The following SOS2 variants were observed in gnomAD, a reference collection of about 807,000 sequenced individuals.
SOS2 encodes the protein SOS Ras/Rho guanine nucleotide exchange factor 2.
In SOS2, 65 loss-of-function variants were observed where a neutral mutation model predicts 148.2. The observed-to-expected ratio is 0.44, with a 90% CI of 0.36 to 0.54. The LOEUF (loss-of-function observed/expected upper bound fraction) is 0.54, where lower values mean the gene tolerates loss of function less well. Among genes scored for constraint, SOS2 ranks in the 20% least tolerant of loss-of-function variants. The pLI, the probability that SOS2 is intolerant of heterozygous loss-of-function variation, is 0.00. For missense variants in SOS2, 1,341 were observed against 1,590.2 expected (o/e 0.84, Z 2.67); for synonymous variants, 539 against 537.1 (o/e 1.00, Z -0.05).
At chr14:50,201,360 A>G (rs1372609466) in intron 2 of SOS2, among the ~76,000 whole-genome samples, 6 of 151,904 alleles carry the variant, frequency 3.9e-5, no homozygotes, top group Non-Finnish European at 8.8e-5. Flanking sequence ...GTGAAACCCC[A>G]TCTCTATTAA....
intron 16 of SOS2, among the ~76,000 whole-genome samples, chr14:50,143,931 T>C (rs1272404328): frequency 1.3e-5 from 2 of 151,528 alleles, no homozygotes; most frequent in Non-Finnish European, 2.9e-5. Context: ...AGTGTTGGGA[T>C]TACAGGTGAG....
chr14:50,141,203 CAAAAAAA>C (rs71118844), intron 16 of SOS2, among the ~76,000 whole-genome samples: 5 of 30,586 alleles, frequency 1.6e-4, no homozygotes, highest in South Asian at 2.2e-3. Context: ...GACTCTGTCT[CAAAAAAA>C]AAAAAAAAAA....
At chr14:50,226,329 A>C (rs1172528272) in intron 1 of SOS2, among the ~76,000 whole-genome samples, 1 of 151,956 alleles carries the variant, frequency 6.6e-6, no homozygotes, top group Admixed American at 6.6e-5. Context: ...GTCTTCTTTG[A>C]CTCTCATATA....
In SOS2 at chr14:50,153,055, C is replaced by G; in HGVS notation, c.2161+15G>C. The G allele has an allele frequency of 7.7e-7, 1 of 1,291,726 alleles. No individual in the cohort carries two copies. 80.0% of individuals were successfully genotyped at this position (1,291,726 alleles called of 1,614,324 possible). A position where few individuals can be genotyped will look rare whatever the true frequency, so the allele number is the denominator to read the frequency against. The stretch of plus-strand genomic sequence containing the variant: ...TGTTCAATATAAGATTCAATCAAAC[C>G]TTTATATAATATACCTCTTACACTT... On this transcript the variant is annotated intron_variant, in intron 13 of 22. Coordinates refer to ENST00000216373, the MANE Select transcript of SOS2 (RefSeq NM_006939.4).
rs10658395 is a variant in SOS2, at chr14:50,118,856, C to CA, written c.3490-4dup. On this transcript the variant is annotated splice_polypyrimidine_tract_variant and splice_region_variant and intron_variant, in intron 22 of 22. Coordinates refer to ENST00000216373, the MANE Select transcript of SOS2 (RefSeq NM_006939.4). ...TCATCATCAGATTTCATATTTCCCT[C>CA]AAAAAAAAAAGTAATTAAATTATAC... 0.53 allele frequency: 619,474 copies of CA among 1,172,574 alleles called. 122,644 individuals are homozygous for CA. The highest frequency in any genetic ancestry group is 0.58 in the Admixed American group (18,898 of 32,398). The allele number at this position is 1,172,574 out of a possible 1,614,324, so 72.6% of individuals were successfully genotyped here.
At chr14:50,174,892 A>T (rs1409053462) in intron 7 of SOS2, among the ~76,000 whole-genome samples, 1 of 152,232 alleles carries the variant, frequency 6.6e-6, no homozygotes, top group African/African-American at 2.4e-5. Flanking sequence ...TTTAAATTTA[A>T]ATAGTTACAA....
intron 16 of SOS2, among the ~76,000 whole-genome samples, chr14:50,144,641 T>C (rs765494000): frequency 6.6e-6 from 1 of 151,972 alleles, no homozygotes; most frequent in Non-Finnish European, 1.5e-5. Flanking sequence ...TTTCGCCGCG[T>C]TGTCCAGGTT....
intron 4 of SOS2, among the ~76,000 whole-genome samples, chr14:50,190,145 G>A (rs892255156): frequency 1.3e-5 from 2 of 151,946 alleles, no homozygotes; most frequent in African/African-American, 4.8e-5. Context: ...GAGCCACTGC[G>A]CCTGGCTGTG....
In SOS2 at chr14:50,161,459, C is replaced by T. The variant is rs1436422295; in HGVS notation, c.1196+23G>A. ...ACAGCGAAGTAAGCAGAGGCATTCA[C>T]GTTTTCAACACTTTGGAATTACCCA... On this transcript the variant is annotated intron_variant, in intron 9 of 22. Transcript: ENST00000216373. The T allele has an allele frequency of 8.1e-6, 13 of 1,601,134 alleles. No individual in the cohort carries two copies. The East Asian group carries it at 2.0e-4, about 25-fold the overall frequency.
intron 12 of SOS2, among the ~76,000 whole-genome samples, chr14:50,155,312 A>G (rs1485362106): frequency 6.6e-6 from 1 of 152,128 alleles, no homozygotes; most frequent in East Asian, 1.9e-4. Flanking sequence ...ATCCAATTCC[A>G]TACAGGTAAT....
At chr14:50,136,952 T>C (rs963913564) in intron 18 of SOS2, among the ~76,000 whole-genome samples, 6 of 152,176 alleles carry the variant, frequency 3.9e-5, no homozygotes, top group African/African-American at 1.4e-4. Flanking sequence ...GGTACTTTGT[T>C]TTGAACCGGG....
intron 16 of SOS2, among the ~76,000 whole-genome samples, chr14:50,142,001 TTAATA>T (rs1347522075): frequency 6.8e-6 from 1 of 147,426 alleles, no homozygotes; most frequent in Non-Finnish European, 1.5e-5. Flanking sequence ...ATTAAATACA[TTAATA>T]TTTCTTTTTT....
At chr14:50,187,142 C>T (rs1369955673) in intron 5 of SOS2, among the ~76,000 whole-genome samples, 11 of 151,902 alleles carry the variant, frequency 7.2e-5, no homozygotes, top group Admixed American at 7.2e-4. Context: ...TCCCCAGCAG[C>T]TGGGATTACA....
chr14:50,207,163 C>T (rs775919628), intron 1 of SOS2, among the ~76,000 whole-genome samples: 17 of 152,090 alleles, frequency 1.1e-4, no homozygotes, highest in Admixed American at 2.0e-4. Context: ...AGATACTCTC[C>T]AATTTATTTT....
At chr14:50,133,249 CT>C (rs1175960937) in intron 19 of SOS2, among the ~76,000 whole-genome samples, 12 of 105,600 alleles carry the variant, frequency 1.1e-4, no homozygotes, top group South Asian at 9.2e-4. Context: ...TTTCTTTTTT[CT>C]TTTTTTTTTT....
intron 2 of SOS2, 87 bp from the exon 3 acceptor site, chr14:50,201,171 C>A: frequency 8.2e-7 from 1 of 1,214,730 alleles, no homozygotes; most frequent in South Asian, 1.3e-5. Context: ...GATCTCTATT[C>A]TTAATGCTAG....
At position 50,188,608 on chromosome 14, in the gene SOS2, A is replaced by T; in HGVS notation, c.603T>A (p.Asp201Glu). ...PSSSGELNYY[D>E]LVRTEIAEER... ...CTTCTGCGATTTCAGTTCTGACAAG[A>T]TCATAGTAGTTTAATTCACCAGAAG... Residue 201 changes from aspartate to glutamate, a missense_variant, in exon 5 of 23, where the codon GAT (aspartate) becomes GAA (glutamate). This residue lies in a region of SOS2 where 574 missense variants were observed against 711.1 expected (regional missense o/e 0.81). Transcript: ENST00000216373. 2 of 1,610,316 alleles carry T rather than the reference A, an allele frequency of 1.2e-6. No individual in the cohort carries two copies. Among genetic ancestry groups the T allele is most frequent in the Non-Finnish European group, 1.7e-6 (2 of 1,177,608 alleles).
At position 50,161,789 on chromosome 14, in the gene SOS2, CTTTTTTT is replaced by C. The variant is rs36219580; in HGVS notation, c.1069-187_1069-181del. ...CCTCTCAAACCAACCCTTTTTCTTT[CTTTTTTT>C]TTTTTTTTTTTGAAACAGGATCTCA... On this transcript the variant is annotated intron_variant, in intron 8 of 22. Transcript: ENST00000216373. Among the ~76,000 whole-genome samples, 43,005 of 135,162 alleles carry C rather than the reference CTTTTTTT, an allele frequency of 0.32. 6,364 individuals carry two copies. Among genetic ancestry groups the C allele is most frequent in the Admixed American group, 0.44 (5,978 of 13,722 alleles). 88.7% of individuals were successfully genotyped at this position (135,162 alleles called of 152,430 possible).
At chr14:50,220,651 A>G (rs996514303) in intron 1 of SOS2, among the ~76,000 whole-genome samples, 17 of 152,118 alleles carry the variant, frequency 1.1e-4, no homozygotes, top group African/African-American at 4.1e-4. Flanking sequence ...CCCACTGTCC[A>G]TTAATAATTC....
Sources: gnomAD v4.1 joint callset for allele counts (sites outside exome capture counted in the v4.1 genomes callset) on GRCh38, gnomAD v4.1.1 for gene constraint, gnomAD v4.1.1 regional missense constraint, MANE v1.5 for transcripts, NCBI Gene and HGNC (gene_info 2026-07-23, HGNC 2026-07-21) for gene names.